PRKAR1A: variants seen among roughly 807,000 people sequenced by gnomAD.
PRKAR1A encodes cAMP-dependent protein kinase type I-alpha regulatory subunit.
PRKAR1A carries 3 observed loss-of-function variants against 52.0 expected under a neutral mutation model. That is an observed-to-expected ratio of 0.06 (90% CI 0.03 to 0.15). The LOEUF is 0.15. Ranked by LOEUF, PRKAR1A falls within the 10% of genes least tolerant of loss-of-function variation. The pLI is 1.00. For synonymous variants in PRKAR1A, 188 were observed against 168.4 expected (o/e 1.12, Z -0.90); for missense variants, 240 against 477.4 (o/e 0.50, Z 4.63).
the PRKAR1A span, among the ~76,000 whole-genome samples, chr17:68,476,868 G>A: frequency 6.6e-6 from 1 of 151,908 alleles, no homozygotes; most frequent in Non-Finnish European, 1.5e-5. Flanking sequence ...TCACCATGTT[G>A]GCAGGGTGGT....
At chr17:68,506,668 G>C in the PRKAR1A span, among the ~76,000 whole-genome samples, 1 of 152,022 alleles carries the variant, frequency 6.6e-6, no homozygotes, top group Non-Finnish European at 1.5e-5. Context: ...ATTTTTAGTA[G>C]AGACGGGGTT....
chr17:68,486,257 C>G, the PRKAR1A span, among the ~76,000 whole-genome samples: 1 of 151,916 alleles, frequency 6.6e-6, no homozygotes, highest in East Asian at 1.9e-4. Context: ...CATGGCTTTG[C>G]AGGAAACTGT....
the PRKAR1A span, among the ~76,000 whole-genome samples, chr17:68,449,207 A>C: frequency 6.6e-6 from 1 of 152,240 alleles, no homozygotes; most frequent in East Asian, 1.9e-4. Flanking sequence ...GGTCACATAA[A>C]GAATCTCTTT....
At position 68,539,955 on chromosome 17, in the gene PRKAR1A, G is replaced by T. The variant is rs149970399; in HGVS notation, c.973+9954G>T. 866 of 1,614,056 alleles carry T rather than the reference G, an allele frequency of 5.4e-4. 5 individuals are homozygous for T. In the African/African-American group the frequency reaches 5.9e-3, roughly 11 times the overall value. On this transcript the variant is annotated intron_variant, in intron 11 of 11. Transcript: ENST00000585981. ...TTGGTGAACATCTCATAATGGTGCC[G>T]GTCCATATTCCCTGTGAAGGAGGGG...
At chr17:68,450,254 C>T in the PRKAR1A span, among the ~76,000 whole-genome samples, 2 of 152,296 alleles carry the variant, frequency 1.3e-5, no homozygotes, top group African/African-American at 4.8e-5. Flanking sequence ...GAGCTGAGGA[C>T]GTGGTGGGAG....
At chr17:68,467,995 A>G in the PRKAR1A span, among the ~76,000 whole-genome samples, 1 of 152,068 alleles carries the variant, frequency 6.6e-6, no homozygotes, top group Non-Finnish European at 1.5e-5. Context: ...CCCAGGCTCA[A>G]CTGACCCTCC....
the PRKAR1A span, among the ~76,000 whole-genome samples, chr17:68,491,247 A>C: frequency 2.0e-5 from 3 of 152,026 alleles, no homozygotes; most frequent in African/African-American, 7.2e-5. Context: ...ATGTGCCACC[A>C]TGCCCAGCTA....
the PRKAR1A span, chr17:68,421,786 G>A: frequency 5.5e-5 from 89 of 1,614,044 alleles, no homozygotes; most frequent in Non-Finnish European, 6.4e-5. Flanking sequence ...TGACTGCTTC[G>A]TTTTGCCCTT....
chr17:68,534,836 A>G (rs2086059383), downstream of PRKAR1A, among the ~76,000 whole-genome samples: 1 of 152,228 alleles, frequency 6.6e-6, no homozygotes, highest in Non-Finnish European at 1.5e-5. Flanking sequence ...AAGATTATGT[A>G]TTGATCGGTC....
Position 68,539,310 on chromosome 17 carries a change from C to G in PRKAR1A, c.973+9309C>G. The G allele has an allele frequency of 1.9e-6, 3 of 1,613,058 alleles. 1 individual carries two copies. ...TGAAGGGTCACAACTGTTACTTGCC[C>G]GTATTATCTGCTGCAGGAAAACTTA... On this transcript the variant is annotated intron_variant, in intron 11 of 11. Transcript: ENST00000585981.
At chr17:68,426,249 C>CGG in the PRKAR1A span, 4 of 787,864 alleles carry the variant, frequency 5.1e-6, no homozygotes, top group Admixed American at 3.5e-5. Context: ...GGGTGGGGAG[C>CGG]GGGGGCTCAA....
chr17:68,528,805 T>C (rs1455006832), intron 8 of PRKAR1A, 65 bp from the exon 9 acceptor site: 21 of 1,594,656 alleles, frequency 1.3e-5, no homozygotes, highest in South Asian at 2.2e-5. Flanking sequence ...CTCTTTATAC[T>C]TTCTTTTTAC....
the PRKAR1A span, among the ~76,000 whole-genome samples, chr17:68,441,733 G>A: frequency 1.1e-4 from 16 of 152,296 alleles, 1 homozygote; most frequent in African/African-American, 3.1e-4. Context: ...CTCAGGTAAC[G>A]CTCTCCGTGG....
chr17:68,529,487 A>C (rs2085897628), intron 9 of PRKAR1A, among the ~76,000 whole-genome samples: 1 of 152,184 alleles, frequency 6.6e-6, no homozygotes, highest in African/African-American at 2.4e-5. Flanking sequence ...ATTTTATTTA[A>C]ATCAGGGGTC....
At chr17:68,542,797 G>C in intron 11 of PRKAR1A, 2 of 1,613,738 alleles carry the variant, frequency 1.2e-6, no homozygotes, top group East Asian at 4.5e-5. Context: ...GCACCCGTCG[G>C]AAGTCCAGAA....
the PRKAR1A span, among the ~76,000 whole-genome samples, chr17:68,476,674 C>T: frequency 6.6e-6 from 1 of 151,118 alleles, no homozygotes; most frequent in Admixed American, 6.6e-5. Context: ...CTCTCTTTCT[C>T]TCTTTCTTTC....
At chr17:68,473,285 G>A in the PRKAR1A span, among the ~76,000 whole-genome samples, 1 of 152,114 alleles carries the variant, frequency 6.6e-6, no homozygotes, top group Admixed American at 6.5e-5. Flanking sequence ...CTTCACACCT[G>A]TAATCCCAAC....
intron 11 of PRKAR1A, among the ~76,000 whole-genome samples, chr17:68,546,606 G>A (rs184455765): frequency 1.4e-4 from 22 of 152,104 alleles, no homozygotes; most frequent in East Asian, 1.4e-3. Flanking sequence ...CGAGGCGGGC[G>A]GATCACGAGG....
the PRKAR1A span, among the ~76,000 whole-genome samples, chr17:68,423,812 T>G: frequency 6.6e-6 from 1 of 152,202 alleles, no homozygotes; most frequent in South Asian, 2.1e-4. The surrounding 1 kb of genome is among the most constrained non-coding windows in gnomAD (Gnocchi z 4.4). Flanking sequence ...AACTACCTCC[T>G]AGATACTAAT....
Sources: gnomAD v4.1 joint callset for allele counts (sites outside exome capture counted in the v4.1 genomes callset) on GRCh38, gnomAD v4.1.1 for gene constraint, Gnocchi (gnomAD v3.1) non-coding constraint, MANE v1.5 for transcripts, NCBI Gene and HGNC (gene_info 2026-07-23, HGNC 2026-07-21) for gene names.